The following HSD17B4 variants were observed in gnomAD, a reference collection of about 807,000 sequenced individuals.
The protein encoded by HSD17B4 is hydroxysteroid 17-beta dehydrogenase 4.
HSD17B4 carries 70 observed loss-of-function variants against 101.0 expected under a neutral mutation model. That is an observed-to-expected ratio of 0.69 (90% CI 0.57 to 0.85). HSD17B4 has a LOEUF of 0.85. Among genes scored for constraint, HSD17B4 ranks in the 40% least tolerant of loss-of-function variants. The pLI, the probability that HSD17B4 is intolerant of heterozygous loss-of-function variation, is 0.00. For synonymous variants in HSD17B4, 347 were observed against 297.1 expected (o/e 1.17, Z -1.73); for missense variants, 984 against 892.4 (o/e 1.10, Z -1.31).
intron 2 of HSD17B4, 30 bp downstream of exon 2, chr5:119,456,398 G>T: frequency 7.5e-7 from 1 of 1,340,098 alleles, no homozygotes; most frequent in East Asian, 2.3e-5. Flanking sequence ...TTTTTAATCT[G>T]TAGCTGATAA....
rs377089667 is a variant in HSD17B4, at chr5:119,541,834, TA to T, written c.2122-57del. The T allele has an allele frequency of 0.21, 148,207 of 693,260 alleles. 82 individuals carry two copies. Among genetic ancestry groups the T allele is most frequent in the South Asian group, 0.29 (13,715 of 47,478 alleles). The allele number at this position is 693,260 out of a possible 1,614,324, so 42.9% of individuals were successfully genotyped here. ...CAATTGTATTCAGTCTGAATAATCTTAAAAAAAAAAAAAAGAAATAAACTAT... is the reference window on the plus strand; with the variant it reads ...CAATTGTATTCAGTCTGAATAATCTTAAAAAAAAAAAAAGAAATAAACTAT... On this transcript the variant is annotated intron_variant, in intron 23 of 23. Transcript: ENST00000510025.
chr5:119,462,696 C>T (rs1190773897), intron 2 of HSD17B4, among the ~76,000 whole-genome samples: 1 of 152,136 alleles, frequency 6.6e-6, no homozygotes, highest in African/African-American at 2.4e-5. Flanking sequence ...AGCTTTTCAG[C>T]ATGTACCAAT....
chr5:119,457,413 C>G (rs536408445), intron 2 of HSD17B4, among the ~76,000 whole-genome samples: 3 of 152,362 alleles, frequency 2.0e-5, no homozygotes, highest in African/African-American at 7.2e-5. Context: ...AAGCAGAGCA[C>G]TTGATACACT....
chr5:119,505,256 G>T (rs1222850762), intron 14 of HSD17B4, among the ~76,000 whole-genome samples: 1 of 151,606 alleles, frequency 6.6e-6, no homozygotes, highest in Non-Finnish European at 1.5e-5. Flanking sequence ...ATGAGTTTTA[G>T]AATAGTTTTT....
At chr5:119,456,781 T>G (rs1307856539) in intron 2 of HSD17B4, 4 of 205,016 alleles carry the variant, frequency 2.0e-5, no homozygotes, top group Non-Finnish European at 4.0e-5. Flanking sequence ...AAGCATTTAT[T>G]GTATAAAAGG....
chr5:119,472,714 A>G (rs1013790079), intron 2 of HSD17B4: 1 of 152,188 alleles, frequency 6.6e-6, no homozygotes, highest in Admixed American at 6.5e-5. Context: ...GATTACACGC[A>G]TGAGCCACCG....
chr5:119,510,438 A>C (rs1337229455), intron 16 of HSD17B4, among the ~76,000 whole-genome samples: 1 of 152,212 alleles, frequency 6.6e-6, no homozygotes. Context: ...ATCTGGCTTT[A>C]CCTTTAAGTT....
chr5:119,516,506 T>A (rs1429360139), intron 17 of HSD17B4, among the ~76,000 whole-genome samples: 6 of 152,198 alleles, frequency 3.9e-5, no homozygotes, highest in African/African-American at 1.4e-4. Context: ...GTTTTAATAT[T>A]TTGCTGCGTG....
intron 2 of HSD17B4, among the ~76,000 whole-genome samples, chr5:119,469,801 G>A (rs950981600): frequency 1.3e-5 from 2 of 152,178 alleles, no homozygotes; most frequent in African/African-American, 4.8e-5. Flanking sequence ...TTAGCTTCTG[G>A]TTGGGCACAG....
rs936572362 is a variant in HSD17B4, at chr5:119,473,932, A to G, written c.137A>G (p.Lys46Arg). Reference protein sequence around the residue: ...VVVNDLGGDFKGVGKGSLAAD... With the variant: ...VVVNDLGGDFRGVGKGSLAAD... ...GTGAATGATTTGGGAGGGGACTTCAAAGGAGTTGGTAAAGGCTCCTTAGCT... is the reference window on the plus strand; with the variant it reads ...GTGAATGATTTGGGAGGGGACTTCAGAGGAGTTGGTAAAGGCTCCTTAGCT... The change falls in exon 3 of 24, where the codon AAA becomes AGA. Residue 46 changes from lysine (K) to arginine (R), a missense_variant. Lys to Arg is a conservative substitution (Grantham distance 26). Transcript: ENST00000510025. 1 of 1,609,882 alleles carries G rather than the reference A, an allele frequency of 6.2e-7. No individual in the cohort carries two copies. Among genetic ancestry groups the G allele is most frequent in the Non-Finnish European group, 8.5e-7 (1 of 1,176,184 alleles).
rs191765268 is a variant in HSD17B4 at position 119,538,802 on chromosome 5, C to A, written c.2121+2252C>A. Among the ~76,000 whole-genome samples, 312 of 152,274 alleles carry A rather than the reference C, an allele frequency of 2.0e-3. 1 individual carries two copies. Among genetic ancestry groups the A allele is most frequent in the African/African-American group, 7.2e-3 (298 of 41,568 alleles). Reference sequence around the variant, plus strand: ...GTTTGCATGGCTGGCTTCATTTCATCCAAAGTAGTTTCTTCCTGTTATATT... The same window carrying A: ...GTTTGCATGGCTGGCTTCATTTCATACAAAGTAGTTTCTTCCTGTTATATT... On this transcript the variant is annotated intron_variant, in intron 23 of 23. Transcript: ENST00000510025.
intron 8 of HSD17B4, among the ~76,000 whole-genome samples, chr5:119,487,104 G>T (rs150150069): frequency 5.3e-5 from 8 of 152,208 alleles, no homozygotes; most frequent in Non-Finnish European, 1.0e-4. Flanking sequence ...GAAGTTCAGC[G>T]TAGAACAGTT....
chr5:119,473,184 C>T (rs1580542950), intron 2 of HSD17B4, among the ~76,000 whole-genome samples: 1 of 147,668 alleles, frequency 6.8e-6, no homozygotes, highest in Non-Finnish European at 1.5e-5. Flanking sequence ...TAGGATTGAT[C>T]GATCTTATAG....
chr5:119,454,852 C>T (rs1561422031), intron 1 of HSD17B4, among the ~76,000 whole-genome samples: 1 of 152,072 alleles, frequency 6.6e-6, no homozygotes, highest in Non-Finnish European at 1.5e-5. Flanking sequence ...GAACTCCAGA[C>T]CTCAAATGAT....
chr5:119,498,803 C>A (rs1422871024), intron 12 of HSD17B4, among the ~76,000 whole-genome samples: 1 of 152,168 alleles, frequency 6.6e-6, no homozygotes. Flanking sequence ...TTGCATGAAC[C>A]TGAGAGGCAG....
chr5:119,486,485 A>G (rs915204983), intron 8 of HSD17B4, among the ~76,000 whole-genome samples: 1 of 152,116 alleles, frequency 6.6e-6, no homozygotes, highest in Non-Finnish European at 1.5e-5. Flanking sequence ...ATTTTTTTTA[A>G]TAAAAATTGC....
chr5:119,511,463 A>C (rs1752160884), intron 16 of HSD17B4, among the ~76,000 whole-genome samples: 1 of 152,224 alleles, frequency 6.6e-6, no homozygotes, highest in South Asian at 2.1e-4. Context: ...AAGAGGCTTG[A>C]ATTTAATTGG....
intron 13 of HSD17B4, among the ~76,000 whole-genome samples, chr5:119,501,283 T>G (rs1479961531): frequency 6.6e-6 from 1 of 151,994 alleles, no homozygotes; most frequent in African/African-American, 2.4e-5. Context: ...TCATTTGTCT[T>G]CTCATCAACC....
At chr5:119,494,311 C>T (rs28371777) in intron 11 of HSD17B4, among the ~76,000 whole-genome samples, 13 of 148,582 alleles carry the variant, frequency 8.7e-5, no homozygotes, top group Admixed American at 6.1e-4. Context: ...TCTCTTTCTT[C>T]CTTTCTTTCT....
Sources: gnomAD v4.1 joint callset for allele counts (sites outside exome capture counted in the v4.1 genomes callset) on GRCh38, gnomAD v4.1.1 for gene constraint, MANE v1.5 for transcripts, NCBI Gene and HGNC (gene_info 2026-07-23, HGNC 2026-07-21) for gene names.